CCSER1: variants seen among roughly 807,000 people sequenced by gnomAD.
The protein encoded by CCSER1 is coiled-coil serine rich protein 1.
In CCSER1, 41 loss-of-function variants were observed where a neutral mutation model predicts 82.0. The ratio of observed to expected loss-of-function variants is 0.50; its 90% confidence interval spans 0.39 to 0.65. CCSER1 has a LOEUF of 0.65. Ranked by LOEUF, CCSER1 falls within the 30% of genes least tolerant of loss-of-function variation. The pLI is 0.00. For synonymous variants in CCSER1, 414 were observed against 383.9 expected (o/e 1.08, Z -0.92); for missense variants, 1,119 against 1,064.2 (o/e 1.05, Z -0.72).
At chr4:90,332,787 G>A (rs1442192634) in intron 3 of CCSER1, among the ~76,000 whole-genome samples, 1 of 152,022 alleles carries the variant, frequency 6.6e-6, no homozygotes, top group Non-Finnish European at 1.5e-5. Flanking sequence ...CTAAGAAGAA[G>A]GATATTCTCT....
chr4:91,032,288 A>G (rs778561712), intron 9 of CCSER1, among the ~76,000 whole-genome samples: 1 of 152,164 alleles, frequency 6.6e-6, no homozygotes, highest in African/African-American at 2.4e-5. Flanking sequence ...TAATCCTAGA[A>G]TAATGTCTAA....
At chr4:91,158,418 T>G (rs1541365) in intron 10 of CCSER1, among the ~76,000 whole-genome samples, 108,525 of 151,754 alleles carry the variant, frequency 0.72, 39,443 homozygotes, top group Non-Finnish European at 0.77. Context: ...GTCTTCAAAT[T>G]TATTCACTTT....
At position 90,932,982 on chromosome 4, in the gene CCSER1, GA is replaced by G. The variant is rs1242221979; in HGVS notation, c.2172+9536del. On this transcript the variant is annotated intron_variant, in intron 9 of 10. Transcript: ENST00000509176. ...AGAAAGAAAGAAAGAAAGAAAGAAA[GA>G]GAAAGAAAGAAAGAAAGAAAGAAAG... Among the ~76,000 whole-genome samples the G allele has an allele frequency of 4.7e-3, 89 of 18,870 alleles. 24 individuals carry two copies. Among genetic ancestry groups the G allele is most frequent in the Non-Finnish European group, 6.3e-3 (67 of 10,690 alleles). The allele number at this position is 18,870 out of a possible 152,430, so 12.4% of individuals were successfully genotyped here.
intron 10 of CCSER1, among the ~76,000 whole-genome samples, chr4:91,133,635 A>T (rs192554954): frequency 2.6e-5 from 4 of 152,254 alleles, no homozygotes. Context: ...TTTCCTAACC[A>T]TGTCTTTTGA....
chr4:90,179,331 A>G (rs1733289965), intron 1 of CCSER1, among the ~76,000 whole-genome samples: 1 of 152,218 alleles, frequency 6.6e-6, no homozygotes, highest in South Asian at 2.1e-4. Flanking sequence ...ATGGAGAGTT[A>G]TCTAACTGCA....
chr4:90,273,436 T>C (rs1379802885), intron 1 of CCSER1, among the ~76,000 whole-genome samples: 1 of 152,152 alleles, frequency 6.6e-6, no homozygotes, highest in Admixed American at 6.5e-5. Flanking sequence ...GTAATTATTA[T>C]ACATTGTATG....
chr4:90,717,940 A>G (rs946574422), intron 6 of CCSER1, among the ~76,000 whole-genome samples: 14 of 152,024 alleles, frequency 9.2e-5, no homozygotes, highest in African/African-American at 2.7e-4. Flanking sequence ...GTCTAAGAGC[A>G]GGGAAGTTTA....
At chr4:90,176,093 A>T (rs947689606) in intron 1 of CCSER1, among the ~76,000 whole-genome samples, 1 of 151,964 alleles carries the variant, frequency 6.6e-6, no homozygotes, top group African/African-American at 2.4e-5. Context: ...AGAGGGCATG[A>T]TAGTTGGGAA....
chr4:91,101,758 T>C lies in CCSER1; in HGVS notation c.2217+15764T>C, dbSNP rs1176505998. Among the ~76,000 whole-genome samples the C allele has an allele frequency of 2.0e-5, 3 of 152,284 alleles. No homozygotes were observed. In the East Asian group the frequency reaches 5.8e-4, roughly 29 times the overall value. ...GAAAAGGTAATCAAAGTAATTTGTCTAAAGGACATCAAGAACTTCTGAACT... is the reference window on the plus strand; with the variant it reads ...GAAAAGGTAATCAAAGTAATTTGTCCAAAGGACATCAAGAACTTCTGAACT... On this transcript the variant is annotated intron_variant, in intron 10 of 10. Coordinates refer to ENST00000509176, the MANE Select transcript of CCSER1 (RefSeq NM_001145065.2).
At chr4:90,453,434 G>A (rs183465521) in intron 4 of CCSER1, among the ~76,000 whole-genome samples, 6 of 152,266 alleles carry the variant, frequency 3.9e-5, no homozygotes, top group Admixed American at 3.9e-4. Flanking sequence ...TGAATCTTCA[G>A]GTTATCAATG....
Position 91,306,530 on chromosome 4 carries a change from G to A in CCSER1, c.2217+220536G>A, listed in dbSNP as rs531259341. Among the ~76,000 whole-genome samples the A allele has an allele frequency of 5.4e-4, 82 of 152,064 alleles. 1 individual carries two copies. In the South Asian group the frequency reaches 5.6e-3, roughly 10 times the overall value. On this transcript the variant is annotated intron_variant, in intron 10 of 10. Transcript: ENST00000509176. ...TCCCTTTTACTAGCATATACCAATAGTAAAAGTGTCATCTGTAAGCAGAAG... is the reference window on the plus strand; with the variant it reads ...TCCCTTTTACTAGCATATACCAATAATAAAAGTGTCATCTGTAAGCAGAAG...
chr4:90,714,236 C>A (rs1741212136), intron 6 of CCSER1, among the ~76,000 whole-genome samples: 1 of 151,802 alleles, frequency 6.6e-6, no homozygotes, highest in South Asian at 2.1e-4. Flanking sequence ...GTTCCTTTTT[C>A]TATCTATTTA....
At chr4:91,569,212 TG>T (rs1418983771) in intron 10 of CCSER1, among the ~76,000 whole-genome samples, 4 of 152,166 alleles carry the variant, frequency 2.6e-5, no homozygotes, top group Admixed American at 2.0e-4. Flanking sequence ...GTGGCTCCCT[TG>T]TGCTTCCTCA....
chr4:90,975,645 G>T (rs946245405), intron 9 of CCSER1, among the ~76,000 whole-genome samples: 1 of 151,228 alleles, frequency 6.6e-6, no homozygotes, highest in South Asian at 2.1e-4. Context: ...TATATTATTA[G>T]TAGTAGTATG....
chr4:91,333,133 A>T (rs568241484), intron 10 of CCSER1, among the ~76,000 whole-genome samples: 1 of 148,940 alleles, frequency 6.7e-6, no homozygotes, highest in Non-Finnish European at 1.5e-5. Flanking sequence ...TGCTATTGTT[A>T]TGAGAGGAAT....
intron 10 of CCSER1, among the ~76,000 whole-genome samples, chr4:91,106,308 C>A (rs899100332): frequency 6.6e-6 from 1 of 152,084 alleles, no homozygotes; most frequent in African/African-American, 2.4e-5. Flanking sequence ...AATAACTTTC[C>A]CGAAGTCATA....
At chr4:90,551,854 G>A (rs1777559268) in intron 5 of CCSER1, among the ~76,000 whole-genome samples, 1 of 151,836 alleles carries the variant, frequency 6.6e-6, no homozygotes, top group Non-Finnish European at 1.5e-5. Context: ...TCTGAAGACT[G>A]GGTAACTTTT....
At chr4:90,391,642 G>A (rs916771247) in intron 3 of CCSER1, among the ~76,000 whole-genome samples, 1 of 150,300 alleles carries the variant, frequency 6.7e-6, no homozygotes, top group African/African-American at 2.4e-5. Flanking sequence ...TTTACAAATG[G>A]GTAATGAGTA....
intron 10 of CCSER1, among the ~76,000 whole-genome samples, chr4:91,401,067 G>A (rs953447837): frequency 6.6e-6 from 1 of 151,680 alleles, no homozygotes; most frequent in African/African-American, 2.4e-5. Flanking sequence ...TGAAGAATGA[G>A]GGAAATAAGT....
Sources: gnomAD v4.1 joint callset for allele counts (sites outside exome capture counted in the v4.1 genomes callset) on GRCh38, gnomAD v4.1.1 for gene constraint, MANE v1.5 for transcripts, NCBI Gene and HGNC (gene_info 2026-07-23, HGNC 2026-07-21) for gene names.